LDLRAD3: variants seen among roughly 807,000 people sequenced by gnomAD.
The protein encoded by LDLRAD3 is low-density lipoprotein receptor class A domain-containing protein 3.
LDLRAD3 carries 20 observed loss-of-function variants against 29.4 expected under a neutral mutation model. That is an observed-to-expected ratio of 0.68 (90% CI 0.48 to 0.99). The LOEUF is 0.99. Ranked by LOEUF, LDLRAD3 falls within the 50% of genes least tolerant of loss-of-function variation. The pLI, the probability that LDLRAD3 is intolerant of heterozygous loss-of-function variation, is 0.00. For synonymous variants in LDLRAD3, 157 were observed against 192.7 expected (o/e 0.81, Z 1.53); for missense variants, 420 against 454.3 (o/e 0.92, Z 0.69).
intron 1 of LDLRAD3, chr11:35,988,865 G>C (rs923403825): frequency 6.6e-6 from 1 of 151,840 alleles, no homozygotes; most frequent in Non-Finnish European, 1.5e-5. Context: ...TTACAGGCGT[G>C]AGTCACCATG....
intron 1 of LDLRAD3, among the ~76,000 whole-genome samples, chr11:36,015,840 A>C: frequency 6.6e-6 from 1 of 152,244 alleles, no homozygotes; most frequent in East Asian, 1.9e-4. Context: ...CAACTCCAAA[A>C]CCTTGGCGAC....
At chr11:36,026,419 GTATCTATTAGGA>G (rs377263418) in intron 1 of LDLRAD3, among the ~76,000 whole-genome samples, 368 of 152,310 alleles carry the variant, frequency 2.4e-3, no homozygotes, top group Non-Finnish European at 4.3e-3. Context: ...TAGGCCTAGG[GTATCTATTAGGA>G]TTGGCTGGGT....
intron 2 of LDLRAD3, among the ~76,000 whole-genome samples, chr11:36,041,587 C>T (rs539181815): frequency 6.6e-6 from 1 of 152,182 alleles, no homozygotes; most frequent in Non-Finnish European, 1.5e-5. Context: ...GAAATGTTTT[C>T]CTTGAAGAGA....
At chr11:36,014,589 G>C (rs1194448399) in intron 1 of LDLRAD3, among the ~76,000 whole-genome samples, 1 of 152,124 alleles carries the variant, frequency 6.6e-6, no homozygotes, top group African/African-American at 2.4e-5. Flanking sequence ...CAGAAACTTT[G>C]CTGGCGAGGT....
intron 3 of LDLRAD3, among the ~76,000 whole-genome samples, chr11:36,087,712 A>G (rs1182651399): frequency 6.6e-6 from 1 of 151,756 alleles, no homozygotes; most frequent in Admixed American, 6.6e-5. Context: ...CCCAGTATAT[A>G]TAATTTTTTT....
chr11:36,174,322 A>G (rs1490634171), intron 4 of LDLRAD3, among the ~76,000 whole-genome samples: 1 of 152,252 alleles, frequency 6.6e-6, no homozygotes, highest in Non-Finnish European at 1.5e-5. Context: ...TTTATGTCTA[A>G]AACACCAAAA....
At position 36,165,976 on chromosome 11, in the gene LDLRAD3, C is replaced by CCCTT. The variant is rs1242167369; in HGVS notation, c.455-61085_455-61082dup. Reference sequence around the variant, plus strand: ...TCCCTCCCTCCCTCCCTCCCTCCCTCCCTTCCTTCCTTCCTTCCTTCCTTC... The same window carrying CCCTT: ...TCCCTCCCTCCCTCCCTCCCTCCCTCCCTTCCTTCCTTCCTTCCTTCCTTCCTTC... On this transcript the variant is annotated intron_variant, in intron 4 of 5. Coordinates refer to ENST00000315571, the MANE Select transcript of LDLRAD3 (RefSeq NM_174902.4). 6.8e-3 allele frequency among the ~76,000 whole-genome samples: 686 copies of CCCTT among 101,342 alleles called. 4 individuals are homozygous for CCCTT. Among genetic ancestry groups the CCCTT allele is most frequent in the Admixed American group, 8.0e-3 (79 of 9,854 alleles). The allele number at this position is 101,342 out of a possible 152,430, so 66.5% of individuals were successfully genotyped here. A position where few individuals can be genotyped will look rare whatever the true frequency, so the allele number is the denominator to read the frequency against.
chr11:36,134,116 G>GA (rs1853970329), intron 4 of LDLRAD3, among the ~76,000 whole-genome samples: 1 of 152,026 alleles, frequency 6.6e-6, no homozygotes, highest in Non-Finnish European at 1.5e-5. Flanking sequence ...AGACACTGGG[G>GA]AAAAAATCTT....
intron 4 of LDLRAD3, among the ~76,000 whole-genome samples, chr11:36,109,268 G>T (rs1032192283): frequency 6.6e-6 from 1 of 152,092 alleles, no homozygotes; most frequent in Non-Finnish European, 1.5e-5. Flanking sequence ...GGAGTGGTCC[G>T]TGGTGGCCTG....
At chr11:35,977,455 A>G (rs1214552466) in intron 1 of LDLRAD3, among the ~76,000 whole-genome samples, 1 of 152,158 alleles carries the variant, frequency 6.6e-6, no homozygotes. Flanking sequence ...GGAGTGTATG[A>G]AGGGGTTCAT....
chr11:36,077,096 C>T (rs1055342982), intron 2 of LDLRAD3, among the ~76,000 whole-genome samples: 1 of 152,156 alleles, frequency 6.6e-6, no homozygotes, highest in African/African-American at 2.4e-5. Flanking sequence ...AGTATATTTA[C>T]ACAAGTATAT....
intron 3 of LDLRAD3, among the ~76,000 whole-genome samples, chr11:36,086,312 G>T (rs945290261): frequency 6.6e-6 from 1 of 152,114 alleles, no homozygotes; most frequent in African/African-American, 2.4e-5. Context: ...AATATGACAA[G>T]AAATTTTGGA....
intron 4 of LDLRAD3, among the ~76,000 whole-genome samples, chr11:36,169,706 A>G (rs969325224): frequency 1.3e-5 from 2 of 152,212 alleles, no homozygotes; most frequent in South Asian, 2.1e-4. Context: ...TCATCCATTG[A>G]TGGGCACTTA....
chr11:35,966,799 C>A (rs1176998952), intron 1 of LDLRAD3, among the ~76,000 whole-genome samples: 1 of 152,214 alleles, frequency 6.6e-6, no homozygotes, highest in African/African-American at 2.4e-5. Flanking sequence ...GACCCACTTC[C>A]ACAAAGGGGT....
chr11:36,059,004 A>ACCTCCCTCTGTG (rs1852661173), intron 2 of LDLRAD3, among the ~76,000 whole-genome samples: 1 of 151,622 alleles, frequency 6.6e-6, no homozygotes, highest in Admixed American at 6.6e-5. Flanking sequence ...TGCTTCCTTT[A>ACCTCCCTCTGTG]CCTCCCTCTG....
In LDLRAD3 at chr11:36,207,970, G is replaced by A. The variant is rs1012535849; in HGVS notation, c.455-19115G>A. Among the ~76,000 whole-genome samples, 130 of 150,382 alleles carry A rather than the reference G, an allele frequency of 8.6e-4. 3 individuals are homozygous for A. Among genetic ancestry groups the A allele is most frequent in the Non-Finnish European group, 1.8e-4 (12 of 67,594 alleles). The stretch of plus-strand genomic sequence containing the variant: ...ATAAAAGATTATAATAGAAAAGTTT[G>A]GAAATAGATAGATCCTGGTTATAAA... On this transcript the variant is annotated intron_variant, in intron 4 of 5. Coordinates refer to ENST00000315571, the MANE Select transcript of LDLRAD3 (RefSeq NM_174902.4).
intron 1 of LDLRAD3, among the ~76,000 whole-genome samples, chr11:36,015,328 C>T (rs1273785586): frequency 6.7e-6 from 1 of 149,254 alleles, no homozygotes; most frequent in Non-Finnish European, 1.5e-5. Flanking sequence ...CCCCCTGCCC[C>T]CATTGCCTGT....
chr11:36,006,655 G>A (rs1851889230), intron 1 of LDLRAD3, among the ~76,000 whole-genome samples: 1 of 152,188 alleles, frequency 6.6e-6, no homozygotes, highest in Admixed American at 6.5e-5. Flanking sequence ...AACTCTCTGA[G>A]CCTTAGTTTT....
At chr11:36,161,280 C>G (rs577255749) in intron 4 of LDLRAD3, among the ~76,000 whole-genome samples, 1 of 152,198 alleles carries the variant, frequency 6.6e-6, no homozygotes, top group East Asian at 1.9e-4. Context: ...TTGATTCCTC[C>G]CAGGAATCCT....
Sources: gnomAD v4.1 joint callset for allele counts (sites outside exome capture counted in the v4.1 genomes callset) on GRCh38, gnomAD v4.1.1 for gene constraint, MANE v1.5 for transcripts, NCBI Gene and HGNC (gene_info 2026-07-23, HGNC 2026-07-21) for gene names.